The following GMDS variants were observed in gnomAD, a reference collection of about 807,000 sequenced individuals.
The protein encoded by GMDS is GDP-mannose 4,6 dehydratase.
GMDS carries 20 observed loss-of-function variants against 49.9 expected under a neutral mutation model. The ratio of observed to expected loss-of-function variants is 0.40; its 90% CI spans 0.28 to 0.58. The LOEUF is 0.58. Ranked by LOEUF, GMDS falls within the 20% of genes least tolerant of loss-of-function variation. The probability of loss-of-function intolerance (pLI) is 0.42; values close to 1 mark genes in which losing one functional copy is unlikely to be tolerated. For synonymous variants in GMDS, 177 were observed against 178.6 expected (o/e 0.99, Z 0.07); for missense variants, 362 against 481.4 (o/e 0.75, Z 2.32).
chr6:1,706,233 G>A (rs1765731526), intron 9 of GMDS, among the ~76,000 whole-genome samples: 1 of 152,164 alleles, frequency 6.6e-6, no homozygotes, highest in African/African-American at 2.4e-5. Flanking sequence ...TGGCACCATC[G>A]CGGCACAGCT....
At chr6:2,070,875 T>C (rs1303327242) in intron 4 of GMDS, among the ~76,000 whole-genome samples, 1 of 152,218 alleles carries the variant, frequency 6.6e-6, no homozygotes, top group Admixed American at 6.5e-5. Context: ...ACCAGTATCC[T>C]GTGGAACACT....
chr6:1,666,719 G>A (rs1764250177), intron 9 of GMDS, among the ~76,000 whole-genome samples: 1 of 152,200 alleles, frequency 6.6e-6, no homozygotes, highest in South Asian at 2.1e-4. Context: ...TTGCGTAGTA[G>A]GCTTCTCCTG....
intron 1 of GMDS, among the ~76,000 whole-genome samples, chr6:2,217,167 A>C (rs1780381157): frequency 1.3e-5 from 2 of 152,050 alleles, no homozygotes. Context: ...AGGGACAGAG[A>C]TCATCAGACA....
At chr6:1,846,786 G>GTATTTTA (rs1757433152) in intron 7 of GMDS, among the ~76,000 whole-genome samples, 5 of 152,206 alleles carry the variant, frequency 3.3e-5, no homozygotes, top group Non-Finnish European at 7.3e-5. Context: ...AAGCCTCAGG[G>GTATTTTA]CAGCATTTGA....
chr6:1,743,943 T>C (rs1767386337), intron 7 of GMDS, among the ~76,000 whole-genome samples: 1 of 152,164 alleles, frequency 6.6e-6, no homozygotes, highest in Non-Finnish European at 1.5e-5. Context: ...TCCAATGATA[T>C]GTGCATTGAA....
intron 1 of GMDS, among the ~76,000 whole-genome samples, chr6:2,192,570 C>T (rs1171823430): frequency 6.6e-6 from 1 of 152,252 alleles, no homozygotes; most frequent in Non-Finnish European, 1.5e-5. Flanking sequence ...TTTGGGGCCC[C>T]ATGGTTCCTG....
chr6:1,964,299 C>G (rs1445102610), intron 4 of GMDS, among the ~76,000 whole-genome samples: 1 of 152,194 alleles, frequency 6.6e-6, no homozygotes, highest in Non-Finnish European at 1.5e-5. Flanking sequence ...TGAGTTTTTT[C>G]TCTTTCCTTG....
chr6:1,793,469 C>T (rs1332076242), intron 7 of GMDS, among the ~76,000 whole-genome samples: 1 of 152,136 alleles, frequency 6.6e-6, no homozygotes, highest in Admixed American at 6.5e-5. Context: ...AGTTCATGAA[C>T]AAAAATCTGA....
intron 9 of GMDS, among the ~76,000 whole-genome samples, chr6:1,642,913 G>GT (rs1561693766): frequency 6.6e-6 from 1 of 152,094 alleles, no homozygotes; most frequent in South Asian, 2.1e-4. Flanking sequence ...TCCTCACTGA[G>GT]TTTTTTCCCC....
At chr6:1,757,383 C>T (rs533075915) in intron 7 of GMDS, among the ~76,000 whole-genome samples, 6 of 152,278 alleles carry the variant, frequency 3.9e-5, no homozygotes, top group East Asian at 1.9e-4. Context: ...TATCTTCTGT[C>T]GCTCGGATAC....
chr6:2,226,641 TTGCATATAACA>T (rs893797374), intron 1 of GMDS, among the ~76,000 whole-genome samples: 13 of 152,178 alleles, frequency 8.5e-5, no homozygotes, highest in African/African-American at 2.9e-4. Context: ...TTTTAAGTGT[TTGCATATAACA>T]TGTCAAAAAC....
At chr6:1,803,597 T>A (rs1384110867) in intron 7 of GMDS, among the ~76,000 whole-genome samples, 1 of 151,972 alleles carries the variant, frequency 6.6e-6, no homozygotes, top group Non-Finnish European at 1.5e-5. Flanking sequence ...AATAAATAAA[T>A]ATAATAGTTA....
chr6:2,112,734 C>T (rs552180270), intron 4 of GMDS, among the ~76,000 whole-genome samples: 22 of 152,290 alleles, frequency 1.4e-4, no homozygotes, highest in African/African-American at 4.6e-4. Flanking sequence ...TAAAACGTCA[C>T]AAATCCTCGC....
At chr6:2,187,064 A>G (rs1178936378) in intron 1 of GMDS, among the ~76,000 whole-genome samples, 1 of 152,226 alleles carries the variant, frequency 6.6e-6, no homozygotes, top group African/African-American at 2.4e-5. Context: ...TATATTGTGT[A>G]TATTGTATGA....
intron 7 of GMDS, among the ~76,000 whole-genome samples, chr6:1,916,221 T>C (rs543127720): frequency 6.6e-6 from 1 of 152,024 alleles, no homozygotes; most frequent in South Asian, 2.1e-4. Context: ...AGCAGCCACC[T>C]AGTTACAAGG....
intron 7 of GMDS, among the ~76,000 whole-genome samples, chr6:1,844,361 T>A (rs1375118151): frequency 3.3e-5 from 5 of 152,230 alleles, no homozygotes; most frequent in Non-Finnish European, 7.3e-5. Context: ...GTACTTGGAT[T>A]GTACATTTAA....
chr6:2,218,631 CTTAA>C (rs1279050143), intron 1 of GMDS, among the ~76,000 whole-genome samples: 1 of 152,234 alleles, frequency 6.6e-6, no homozygotes, highest in South Asian at 2.1e-4. Flanking sequence ...AGAACATTAT[CTTAA>C]TTTTTATCTT....
intron 4 of GMDS, among the ~76,000 whole-genome samples, chr6:2,034,948 A>T (rs1216847807): frequency 2.0e-5 from 3 of 152,120 alleles, no homozygotes; most frequent in Non-Finnish European, 4.4e-5. Flanking sequence ...CAGCCTGAGG[A>T]TGGTTGGGGG....
intron 1 of GMDS, among the ~76,000 whole-genome samples, chr6:2,200,560 G>C (rs1487911312): frequency 4.6e-5 from 6 of 129,790 alleles, no homozygotes; most frequent in South Asian, 2.6e-4. Flanking sequence ...AGGATGAAGA[G>C]AGAGCACCAC....
Sources: gnomAD v4.1 joint callset for allele counts (sites outside exome capture counted in the v4.1 genomes callset) on GRCh38, gnomAD v4.1.1 for gene constraint, MANE v1.5 for transcripts, NCBI Gene and HGNC (gene_info 2026-07-23, HGNC 2026-07-21) for gene names.